The following PDXDC1 variants were observed in gnomAD, a reference collection of about 807,000 sequenced individuals.
PDXDC1 encodes the protein pyridoxal-dependent decarboxylase domain-containing protein 1.
Under a neutral mutation model 100.1 loss-of-function variants are expected in PDXDC1, and 42 were observed. That is an observed-to-expected ratio of 0.42 (90% confidence interval 0.33 to 0.54). The LOEUF (loss-of-function observed/expected upper bound fraction) is 0.54, where lower values mean the gene tolerates loss of function less well. Among genes scored for constraint, PDXDC1 ranks in the 20% least tolerant of loss-of-function variants. PDXDC1 has a pLI of 0.10. For synonymous variants in PDXDC1, 260 were observed against 371.7 expected, an observed-to-expected ratio of 0.70 and a Z score of 3.46; for missense variants, 636 against 979.2, an observed-to-expected ratio of 0.65 and a Z score of 4.68.
At chr16:15,090,573 G>T (rs966728010) in intron 16 of PDXDC1, among the ~76,000 whole-genome samples, 7 of 152,172 alleles carry the variant, frequency 4.6e-5, no homozygotes, top group Admixed American at 3.9e-4. Context: ...AATAGCCAGA[G>T]CAACACAGCA....
chr16:15,094,117 A>G, intron 16 of PDXDC1: 3 of 1,567,758 alleles, frequency 1.9e-6, no homozygotes, highest in Non-Finnish European at 2.6e-6. Flanking sequence ...CGTCCCAGAT[A>G]CGCAGAAGGA....
intron 16 of PDXDC1, chr16:15,108,368 C>G (rs1164611812): frequency 8.6e-6 from 2 of 233,338 alleles, no homozygotes; most frequent in African/African-American, 4.7e-5. Context: ...GAACTTGTTT[C>G]TGACCACAGG....
At chr16:15,123,779 TATAAGAC>T (rs2047555252) in intron 16 of PDXDC1, among the ~76,000 whole-genome samples, 1 of 115,070 alleles carries the variant, frequency 8.7e-6, no homozygotes, top group African/African-American at 3.4e-5. Context: ...AAAGTGCCCT[TATAAGAC>T]ATAAACATAA....
intron 16 of PDXDC1, chr16:15,071,143 T>G (rs763337570): frequency 1.2e-6 from 2 of 1,609,176 alleles, no homozygotes; most frequent in South Asian, 2.2e-5. Context: ...AATTTAGCTC[T>G]TGCCAAAAAG....
chr16:15,123,206 G>A (rs1368438962), intron 16 of PDXDC1, among the ~76,000 whole-genome samples: 3 of 151,014 alleles, frequency 2.0e-5, no homozygotes, highest in South Asian at 2.1e-4. Context: ...TCCAAGTAGC[G>A]CCCGCATCAT....
At chr16:14,975,849 C>T (rs1299309903) in intron 1 of PDXDC1, among the ~76,000 whole-genome samples, 1 of 152,294 alleles carries the variant, frequency 6.6e-6, no homozygotes, top group African/African-American at 2.4e-5. Flanking sequence ...GCTGAGCCTG[C>T]GATCACCGGG....
chr16:15,144,300 T>C (rs1285145612), downstream of PDXDC1, among the ~76,000 whole-genome samples: 1 of 152,132 alleles, frequency 6.6e-6, no homozygotes. Context: ...CTGTGCTCCT[T>C]TCTATTTAAG....
chr16:15,037,840 A>G lies in PDXDC1; in HGVS notation c.*1565A>G. The G allele has an allele frequency of 2.0e-6, 1 of 492,818 alleles. No homozygotes were observed. The highest frequency in any genetic ancestry group is 3.2e-5 in the East Asian group (1 of 31,702). The allele number at this position is 492,818 out of a possible 1,614,324, so 30.5% of individuals were successfully genotyped here. ...TCAATTTTTTAGTAAACCAAAAAAT[A>G]AGTCTCAACAAATGCCTTTGCCAAA... On this transcript the variant is annotated 3_prime_UTR_variant, in exon 23 of 23. Transcript: ENST00000396410.
intron 22 of PDXDC1, among the ~76,000 whole-genome samples, chr16:15,035,795 G>A (rs759256741): frequency 9.2e-5 from 14 of 152,152 alleles, no homozygotes; most frequent in Non-Finnish European, 1.6e-4. Context: ...CCTCCTGGGC[G>A]TTTCCTAATG....
chr16:15,034,721 T>TC (rs1452328288), intron 21 of PDXDC1, among the ~76,000 whole-genome samples, 168 bp downstream of exon 21: 1 of 151,922 alleles, frequency 6.6e-6, no homozygotes, highest in Non-Finnish European at 1.5e-5. Context: ...CCTGTCCTCC[T>TC]CCCCACCGCA....
chr16:15,001,377 T>A (rs1168840979), intron 3 of PDXDC1, among the ~76,000 whole-genome samples: 1 of 152,094 alleles, frequency 6.6e-6, no homozygotes, highest in Non-Finnish European at 1.5e-5. Context: ...TAATCTCAGC[T>A]ACTCAGGAGG....
intron 16 of PDXDC1, among the ~76,000 whole-genome samples, chr16:15,111,171 G>A (rs1306406769): frequency 6.7e-6 from 1 of 148,472 alleles, no homozygotes; most frequent in Non-Finnish European, 1.5e-5. Flanking sequence ...ACACAAGAAT[G>A]ACGAGGCTGG....
chr16:15,141,051 C>T (rs528922268), downstream of PDXDC1, among the ~76,000 whole-genome samples: 136 of 149,074 alleles, frequency 9.1e-4, no homozygotes, highest in African/African-American at 3.3e-3. Flanking sequence ...CCCCTACCGG[C>T]CTCCATCCCT....
chr16:15,028,371 A>G (rs1309042999), intron 14 of PDXDC1, among the ~76,000 whole-genome samples: 1 of 152,288 alleles, frequency 6.6e-6, no homozygotes, highest in African/African-American at 2.4e-5. Context: ...ATTTTCTATC[A>G]GAGCCCCCAG....
rs199869974 is a variant in PDXDC1, at chr16:15,109,361, A to G, written c.1400-29518A>G. Among the ~76,000 whole-genome samples the G allele has an allele frequency of 2.0e-3, 296 of 144,940 alleles. 7 individuals carry two copies. In the East Asian group the frequency reaches 0.049, roughly 24 times the overall value. On this transcript the variant is annotated intron_variant, in intron 16 of 16. Coordinates refer to the PDXDC1 transcript ENST00000535621. ...CCAACATGGTGAACCCGTCTCTACTAAAAATACAAAAATTGGGCTGGGCAC... is the reference window on the plus strand; with the variant it reads ...CCAACATGGTGAACCCGTCTCTACTGAAAATACAAAAATTGGGCTGGGCAC...
intron 16 of PDXDC1, among the ~76,000 whole-genome samples, chr16:15,089,078 G>A (rs2046018434): frequency 6.6e-6 from 1 of 152,080 alleles, no homozygotes; most frequent in South Asian, 2.1e-4. Flanking sequence ...TGAGGCGGGT[G>A]GATCACTTGA....
At chr16:15,132,008 AG>A (rs1451006583) in intron 16 of PDXDC1, among the ~76,000 whole-genome samples, 130 of 3,650 alleles carry the variant, frequency 0.036, no homozygotes, top group South Asian at 0.088. Flanking sequence ...AGGGAGGGGA[AG>A]GGGGATAAGG....
the PDXDC1 span, among the ~76,000 whole-genome samples, chr16:15,146,575 C>T: frequency 1.3e-5 from 2 of 152,124 alleles, no homozygotes. Context: ...TGAGCCCCTA[C>T]AGCCACGCGG....
At chr16:15,110,738 G>C in intron 16 of PDXDC1, 1 of 1,587,538 alleles carries the variant, frequency 6.3e-7, no homozygotes, top group Non-Finnish European at 8.5e-7. Flanking sequence ...GTCTACGGCG[G>C]TTGGACCTCC....
Sources: allele counts gnomAD v4.1 joint callset (sites outside exome capture counted in the v4.1 genomes callset), GRCh38; gene constraint gnomAD v4.1.1; transcripts MANE v1.5; gene names NCBI Gene and HGNC (gene_info 2026-07-23, HGNC 2026-07-21).